The following PDK1 variants were observed in gnomAD, a reference collection of about 807,000 sequenced individuals.
The protein encoded by PDK1 is pyruvate dehydrogenase kinase 1.
A neutral mutation model predicts 54.2 loss-of-function variants in PDK1; 39 were observed. The observed-to-expected ratio is 0.72, with a 90% CI of 0.56 to 0.94. PDK1 has a LOEUF of 0.94. Among genes scored for constraint, PDK1 ranks in the 40% least tolerant of loss-of-function variants. PDK1 has a pLI of 0.00. For synonymous variants in PDK1, 221 were observed against 207.1 expected (o/e 1.07, Z -0.58); for missense variants, 552 against 566.0 (o/e 0.98, Z 0.25).
the PDK1 span, among the ~76,000 whole-genome samples, chr2:172,719,250 A>G: frequency 6.6e-6 from 1 of 152,164 alleles, no homozygotes; most frequent in African/African-American, 2.4e-5. Flanking sequence ...CAGCATTTGG[A>G]GGTTATGAAT....
chr2:172,592,022 G>A (rs1198225995), intron 9 of PDK1, among the ~76,000 whole-genome samples: 1 of 152,174 alleles, frequency 6.6e-6, no homozygotes, highest in Non-Finnish European at 1.5e-5. Flanking sequence ...AACATCTATT[G>A]TCCTGTCCTG....
At chr2:172,677,261 AT>A in the PDK1 span, 20 of 152,158 alleles carry the variant, frequency 1.3e-4, no homozygotes, top group African/African-American at 4.6e-4. Context: ...AGCAAGTAGC[AT>A]TTTTGCTTCC....
upstream of PDK1, chr2:172,555,876 G>GGC (rs1203232653): frequency 1.3e-5 from 4 of 315,086 alleles, no homozygotes; most frequent in Non-Finnish European, 2.3e-5. Flanking sequence ...GCTGCGGCCT[G>GGC]GCGCGCGCTC....
At chr2:172,673,542 C>T in the PDK1 span, among the ~76,000 whole-genome samples, 2 of 152,098 alleles carry the variant, frequency 1.3e-5, no homozygotes, top group Non-Finnish European at 1.5e-5. Flanking sequence ...CTGAGCATCA[C>T]GTGATGGTCG....
At chr2:172,690,461 G>C in the PDK1 span, among the ~76,000 whole-genome samples, 1 of 150,298 alleles carries the variant, frequency 6.7e-6, no homozygotes, top group Non-Finnish European at 1.5e-5. Context: ...CAGGGATCTA[G>C]AACTAGAATT....
chr2:172,632,253 TA>T, the PDK1 span, among the ~76,000 whole-genome samples: 1 of 151,674 alleles, frequency 6.6e-6, no homozygotes. Context: ...GCCTGGGTGA[TA>T]GAGTGAGACT....
chr2:172,679,148 C>T, the PDK1 span: 1 of 152,120 alleles, frequency 6.6e-6, no homozygotes, highest in South Asian at 2.1e-4. Context: ...AATTTTTATT[C>T]TCAAAGAAAA....
chr2:172,708,142 A>C, the PDK1 span, among the ~76,000 whole-genome samples: 1 of 152,102 alleles, frequency 6.6e-6, no homozygotes, highest in East Asian at 1.9e-4. Context: ...TCTCTACAAA[A>C]AATTAGCTGG....
chr2:172,686,799 G>A, the PDK1 span, among the ~76,000 whole-genome samples: 60 of 152,140 alleles, frequency 3.9e-4, no homozygotes, highest in East Asian at 1.4e-3. Context: ...AACCAACTCC[G>A]GACACATCTT....
chr2:172,637,727 G>T, the PDK1 span, among the ~76,000 whole-genome samples: 1 of 151,862 alleles, frequency 6.6e-6, no homozygotes, highest in Non-Finnish European at 1.5e-5. Flanking sequence ...ATGGAGTCTC[G>T]CTCTGTCGTC....
At chr2:172,564,146 C>T (rs6433368) in intron 3 of PDK1, 106,196 of 415,750 alleles carry the variant, frequency 0.26, 14,517 homozygotes, top group African/African-American at 0.52. Flanking sequence ...TGCTTTGTCT[C>T]CTCCTATGCA....
chr2:172,660,792 A>T, the PDK1 span, among the ~76,000 whole-genome samples: 1 of 151,928 alleles, frequency 6.6e-6, no homozygotes, highest in Non-Finnish European at 1.5e-5. Flanking sequence ...CTCTTTGTCC[A>T]GGCACTTTCT....
the PDK1 span, among the ~76,000 whole-genome samples, chr2:172,659,175 C>A: frequency 6.6e-6 from 1 of 152,164 alleles, no homozygotes; most frequent in East Asian, 1.9e-4. Context: ...TGTAAAATTC[C>A]ACTCTTTGTA....
chr2:172,659,696 G>C, the PDK1 span, among the ~76,000 whole-genome samples: 1 of 152,178 alleles, frequency 6.6e-6, no homozygotes, highest in Admixed American at 6.5e-5. Context: ...TCTGAAAAGA[G>C]ATGACCTCAA....
intron 9 of PDK1, among the ~76,000 whole-genome samples, chr2:172,587,657 G>A (rs1301342476): frequency 6.7e-6 from 1 of 149,576 alleles, no homozygotes; most frequent in Non-Finnish European, 1.5e-5. Context: ...GCTTGCCGCT[G>A]CTGGCTGTGG....
chr2:172,598,250 C>T lies in PDK1; in HGVS notation c.*2281C>T, dbSNP rs1690990485. On this transcript the variant is annotated 3_prime_UTR_variant, in exon 11 of 11. Transcript: ENST00000282077. ...TTGATGTTTTTACTTATGAAATATT[C>T]TCCTCCCCCAAGAAAATTTAAACTT... 6.6e-6 allele frequency: 1 copy of T among 152,046 alleles called. No individual in the cohort carries two copies. The highest frequency in any genetic ancestry group is 2.4e-5 in the African/African-American group (1 of 41,390). The allele number at this position is 152,046 out of a possible 1,614,324, so 9.4% of individuals were successfully genotyped here.
At chr2:172,662,455 T>C in the PDK1 span, among the ~76,000 whole-genome samples, 1 of 147,940 alleles carries the variant, frequency 6.8e-6, no homozygotes, top group South Asian at 2.2e-4. Flanking sequence ...TTTAAACAAA[T>C]ATTGAATTAT....
At chr2:172,575,054 T>G (rs1205803155) in intron 8 of PDK1, among the ~76,000 whole-genome samples, 1 of 152,230 alleles carries the variant, frequency 6.6e-6, no homozygotes, top group African/African-American at 2.4e-5. Context: ...ATTCTTAGTT[T>G]GAGTGTTTTT....
intron 7 of PDK1, among the ~76,000 whole-genome samples, 159 bp downstream of exon 7, chr2:172,568,976 G>T (rs1299008551): frequency 1.3e-5 from 2 of 152,152 alleles, no homozygotes; most frequent in Non-Finnish European, 2.9e-5. Context: ...TCAACACAGG[G>T]AGACATCTCC....
Sources: gnomAD v4.1 joint callset for allele counts (sites outside exome capture counted in the v4.1 genomes callset) on GRCh38, gnomAD v4.1.1 for gene constraint, MANE v1.5 for transcripts, NCBI Gene and HGNC (gene_info 2026-07-23, HGNC 2026-07-21) for gene names.